TMEM132D: variants seen among roughly 807,000 people sequenced by gnomAD.
TMEM132D encodes mature OL transmembrane protein.
Under a neutral mutation model 62.3 loss-of-function variants are expected in TMEM132D, and 21 were observed. That is an observed-to-expected ratio of 0.34 (90% CI 0.24 to 0.49). The LOEUF (loss-of-function observed/expected upper bound fraction) is 0.49. Among genes scored for constraint, TMEM132D ranks in the 20% least tolerant of loss-of-function variants. The probability of loss-of-function intolerance (pLI) is 0.99; values close to 1 mark genes in which losing one functional copy is unlikely to be tolerated. For synonymous variants in TMEM132D, 621 were observed against 575.6 expected, an observed-to-expected ratio of 1.08 and a Z score of -1.13; for missense variants, 1,346 against 1,402.8, an observed-to-expected ratio of 0.96 and a Z score of 0.65.
rs114710122 is a variant in TMEM132D, at chr12:129,379,070, A to G, written c.1116-41253T>C. Among the ~76,000 whole-genome samples the G allele has an allele frequency of 9.9e-3, 1,512 of 152,270 alleles. 25 individuals are homozygous for G. The highest frequency in any genetic ancestry group is 0.034 in the African/African-American group (1,412 of 41,542). ...GATTATGGGTAATAAATCGTGTTAA[A>G]TATGTTATCCTGGGGAAAGTTCTCA... On this transcript the variant is annotated intron_variant, in intron 3 of 8. Transcript: ENST00000422113.
intron 1 of TMEM132D, among the ~76,000 whole-genome samples, chr12:129,848,753 T>C (rs976726981): frequency 3.3e-5 from 5 of 152,208 alleles, no homozygotes; most frequent in African/African-American, 9.6e-5. Flanking sequence ...CTCCCAAAGA[T>C]TGATTCTTGG....
chr12:129,419,234 G>C (rs1301797696), intron 3 of TMEM132D, among the ~76,000 whole-genome samples: 2 of 152,126 alleles, frequency 1.3e-5, no homozygotes, highest in Non-Finnish European at 2.9e-5. Context: ...CTGTCTCCAT[G>C]TTCTTGGGGG....
At chr12:129,525,778 A>G (rs1249327753) in intron 3 of TMEM132D, among the ~76,000 whole-genome samples, 2 of 152,204 alleles carry the variant, frequency 1.3e-5, no homozygotes, top group Non-Finnish European at 2.9e-5. Flanking sequence ...CATTTTCTGG[A>G]TCTCACATTT....
chr12:129,602,464 GAA>G (rs372894736), intron 2 of TMEM132D, among the ~76,000 whole-genome samples: 1 of 144,942 alleles, frequency 6.9e-6, no homozygotes, highest in South Asian at 2.2e-4. Flanking sequence ...AGAGAAAAGA[GAA>G]AAAAAAAACT....
At chr12:129,276,058 T>TTTGC (rs1296385841) in intron 4 of TMEM132D, among the ~76,000 whole-genome samples, 3 of 147,126 alleles carry the variant, frequency 2.0e-5, no homozygotes, top group Non-Finnish European at 4.5e-5. Context: ...TGTTTGTTTG[T>TTTGC]TTTCTCAAGA....
At chr12:129,309,780 T>A (rs7294705) in intron 4 of TMEM132D, among the ~76,000 whole-genome samples, 24,346 of 151,964 alleles carry the variant, frequency 0.16, 2,730 homozygotes, top group Non-Finnish European at 0.24. Context: ...CTCATTGAAG[T>A]TGAATAAGTG....
intron 1 of TMEM132D, among the ~76,000 whole-genome samples, chr12:129,877,268 G>A (rs987469398): frequency 3.3e-5 from 5 of 151,528 alleles, no homozygotes; most frequent in Non-Finnish European, 7.4e-5. Flanking sequence ...CACCATGGCC[G>A]TGGTACAAAC....
At chr12:129,087,946 GT>G (rs1874690834) in intron 5 of TMEM132D, among the ~76,000 whole-genome samples, 1 of 107,114 alleles carries the variant, frequency 9.3e-6, no homozygotes, top group African/African-American at 4.1e-5. Context: ...CATGACCGGG[GT>G]GTCCTCCCTG....
chr12:129,226,455 G>T (rs529490124), intron 4 of TMEM132D, among the ~76,000 whole-genome samples: 1 of 152,168 alleles, frequency 6.6e-6, no homozygotes, highest in Admixed American at 6.5e-5. Context: ...CCTGTCTGCC[G>T]CGGCACCAGA....
At chr12:129,323,198 A>C (rs1441604416) in intron 4 of TMEM132D, among the ~76,000 whole-genome samples, 2 of 152,318 alleles carry the variant, frequency 1.3e-5, no homozygotes, top group East Asian at 3.9e-4. Context: ...CCCATAAGGC[A>C]TTAAAATGTC....
intron 2 of TMEM132D, among the ~76,000 whole-genome samples, chr12:129,631,351 G>A (rs751814947): frequency 2.0e-5 from 3 of 152,172 alleles, no homozygotes; most frequent in Admixed American, 6.5e-5. Context: ...AGAGCAGAAA[G>A]CAGCAAAATG....
intron 5 of TMEM132D, among the ~76,000 whole-genome samples, chr12:129,143,022 A>AC (rs113670055): frequency 5.8e-4 from 88 of 151,884 alleles, no homozygotes; most frequent in African/African-American, 2.1e-3. Flanking sequence ...TGTTTTTCCC[A>AC]CCCCCCAAGC....
intron 3 of TMEM132D, among the ~76,000 whole-genome samples, chr12:129,342,935 G>A (rs1390737901): frequency 6.6e-6 from 1 of 152,192 alleles, no homozygotes; most frequent in African/African-American, 2.4e-5. Flanking sequence ...AAGAGGTGCT[G>A]GAGAGGATGT....
intron 4 of TMEM132D, among the ~76,000 whole-genome samples, chr12:129,315,886 G>A (rs1868474254): frequency 6.6e-6 from 1 of 152,078 alleles, no homozygotes; most frequent in South Asian, 2.1e-4. Context: ...TAATTTTCCA[G>A]GAATTTACCC....
At chr12:129,121,219 C>A (rs1254142349) in intron 5 of TMEM132D, among the ~76,000 whole-genome samples, 2 of 152,128 alleles carry the variant, frequency 1.3e-5, no homozygotes, top group African/African-American at 4.8e-5. Flanking sequence ...CCTCAGCCTC[C>A]CAAGTAGCTG....
intron 5 of TMEM132D, among the ~76,000 whole-genome samples, chr12:129,128,707 C>T (rs2398449): frequency 0.71 from 107,471 of 152,030 alleles, 38,275 homozygotes; most frequent in East Asian, 0.85. Flanking sequence ...AAACGGTGAA[C>T]GCTGTACCCA....
At chr12:129,615,775 T>TAAAAC (rs200360615) in intron 2 of TMEM132D, among the ~76,000 whole-genome samples, 19,418 of 128,604 alleles carry the variant, frequency 0.15, 1,784 homozygotes, top group Non-Finnish European at 0.19. Context: ...ATAAAATAAT[T>TAAAAC]AAAACAAAAC....
intron 1 of TMEM132D, among the ~76,000 whole-genome samples, chr12:129,887,604 A>AAAT (rs923503676): frequency 6.6e-6 from 1 of 152,080 alleles, no homozygotes. Flanking sequence ...TTAAATTATA[A>AAAT]AATAATAATA....
Position 129,509,316 on chromosome 12 carries a change from A to G in TMEM132D, c.1115+21743T>C, listed in dbSNP as rs77322741. On this transcript the variant is annotated intron_variant, in intron 3 of 8. Transcript: ENST00000422113. ...AAATTTATTGAATCACAATTTACAA[A>G]TAATAAGTGCACACCTTAGTTTTTA... is the stretch of plus-strand genomic sequence containing the variant. Among the ~76,000 whole-genome samples the G allele has an allele frequency of 4.6e-3, 705 of 152,270 alleles. 3 individuals are homozygous for G. The highest frequency in any genetic ancestry group is 0.015 in the African/African-American group (613 of 41,562).
Sources: allele counts gnomAD v4.1 joint callset (sites outside exome capture counted in the v4.1 genomes callset), GRCh38; gene constraint gnomAD v4.1.1; transcripts MANE v1.5; gene names NCBI Gene and HGNC (gene_info 2026-07-23, HGNC 2026-07-21).